INSL6: variants seen among roughly 807,000 people sequenced by gnomAD.
INSL6 encodes insulin-like peptide INSL6.
INSL6 carries 16 observed loss-of-function variants against 9.4 expected under a neutral mutation model. That is an observed-to-expected ratio of 1.70 (90% CI 1.15 to 2.59). The LOEUF (loss-of-function observed/expected upper bound fraction) is 2.59, where lower values mean the gene tolerates loss of function less well. Ranked by LOEUF, INSL6 falls within the 30% of genes most tolerant of loss-of-function variation. The pLI, the probability that INSL6 is intolerant of heterozygous loss-of-function variation, is 0.00. For missense variants in INSL6, 391 were observed against 257.3 expected (o/e 1.52, Z -3.56); for synonymous variants, 154 against 96.9 (o/e 1.59, Z -3.46).
At chr9:5,177,448 G>T (rs1825335519) in intron 1 of INSL6, among the ~76,000 whole-genome samples, 1 of 152,118 alleles carries the variant, frequency 6.6e-6, no homozygotes, top group South Asian at 2.1e-4. Flanking sequence ...ATGCCACTAG[G>T]GCCTTGGGTT....
intron 3 of INSL6, among the ~76,000 whole-genome samples, chr9:5,125,290 A>G (rs1451015449): frequency 1.3e-5 from 2 of 151,094 alleles, no homozygotes; most frequent in African/African-American, 4.8e-5. Flanking sequence ...TTAAGGTCAT[A>G]CTGTGCAGTT....
the INSL6 span, among the ~76,000 whole-genome samples, chr9:5,037,263 T>C: frequency 6.6e-6 from 1 of 152,156 alleles, no homozygotes; most frequent in Non-Finnish European, 1.5e-5. Context: ...TTGGTGGGAC[T>C]GTAAACTAGT....
chr9:5,022,130 G>A, the INSL6 span: 412 of 1,613,992 alleles, frequency 2.6e-4, 2 homozygotes, highest in South Asian at 9.9e-4. Flanking sequence ...CATTCCCTTG[G>A]GAAATCTGAG....
chr9:5,023,291 C>CA, the INSL6 span, among the ~76,000 whole-genome samples: 1 of 152,208 alleles, frequency 6.6e-6, no homozygotes, highest in Non-Finnish European at 1.5e-5. Flanking sequence ...TTTCACTCGA[C>CA]ATAATGACCT....
chr9:5,124,167 CATTCTGTTG>C (rs1823823526), exon 4 of INSL6, among the ~76,000 whole-genome samples: 1 of 151,772 alleles, frequency 6.6e-6, no homozygotes, highest in Non-Finnish European at 1.5e-5. Context: ...GTTTTCTGTT[CATTCTGTTG>C]ATTATTGATT....
At chr9:5,167,100 G>C (rs1825071699) in intron 1 of INSL6, among the ~76,000 whole-genome samples, 1 of 152,130 alleles carries the variant, frequency 6.6e-6, no homozygotes, top group East Asian at 1.9e-4. Context: ...GTGACTCAGA[G>C]AGAGCAAGGA....
intron 2 of INSL6, among the ~76,000 whole-genome samples, chr9:5,148,073 A>G (rs750495208): frequency 6.6e-6 from 1 of 152,204 alleles, no homozygotes; most frequent in Non-Finnish European, 1.5e-5. Context: ...ACTCACTGCT[A>G]GTGAGCTAAC....
At chr9:5,005,083 A>ATTTTTTT in the INSL6 span, among the ~76,000 whole-genome samples, 2 of 40,034 alleles carry the variant, frequency 5.0e-5, no homozygotes, top group African/African-American at 1.0e-4. Context: ...TGCCTGGCTA[A>ATTTTTTT]TTTTTTTTTT....
chr9:4,993,907 A>G, the INSL6 span, among the ~76,000 whole-genome samples: 1 of 152,106 alleles, frequency 6.6e-6, no homozygotes, highest in Non-Finnish European at 1.5e-5. Context: ...AAAGATGCAT[A>G]TGTTAGTGGA....
At chr9:5,135,244 T>C (rs1233871989) in intron 2 of INSL6, among the ~76,000 whole-genome samples, 1 of 152,110 alleles carries the variant, frequency 6.6e-6, no homozygotes, top group Non-Finnish European at 1.5e-5. Flanking sequence ...TGGGAGACTT[T>C]AACACCCCAC....
chr9:4,996,572 T>C, the INSL6 span, among the ~76,000 whole-genome samples: 1 of 152,106 alleles, frequency 6.6e-6, no homozygotes, highest in Non-Finnish European at 1.5e-5. Flanking sequence ...TTTTTGGTTT[T>C]TTTGAGGAGG....
At position 5,179,831 on chromosome 9, in the gene INSL6, GGGGCCTGCCTGAC is replaced by G. The variant is rs1255497703; in HGVS notation, c.289+5470_289+5482del. Among the ~76,000 whole-genome samples the G allele has an allele frequency of 1.5e-4, 23 of 152,294 alleles. 2 individuals carry two copies. The highest frequency in any genetic ancestry group is 5.3e-4 in the African/African-American group (22 of 41,566). ...ACACATGCAGGGGAAAACACACACT[GGGGCCTGCCTGAC>G]AGGGGCCCTGGGGGAAGGGAAAGTA... On this transcript the variant is annotated intron_variant, in intron 1 of 1. Coordinates refer to ENST00000381641, the MANE Select transcript of INSL6 (RefSeq NM_007179.3).
At chr9:5,124,510 T>G (rs1395748246) in exon 4 of INSL6, among the ~76,000 whole-genome samples, 1 of 151,750 alleles carries the variant, frequency 6.6e-6, no homozygotes, top group African/African-American at 2.4e-5. Flanking sequence ...TCAATGCAGT[T>G]CCTATCAAAA....
At position 5,176,732 on chromosome 9, in the gene INSL6, A is replaced by C. The variant is rs1825317593; in HGVS notation, c.289+8582T>G. ...AAGAAATCAAAGCAAAAAAAAAAAA[A>C]ATGGTATAAGTTTAGCAAGAAAGTG... On this transcript the variant is annotated intron_variant, in intron 1 of 1. Coordinates refer to ENST00000381641, the MANE Select transcript of INSL6 (RefSeq NM_007179.3). 9.6e-5 allele frequency among the ~76,000 whole-genome samples: 14 copies of C among 145,560 alleles called. No homozygotes were observed. The South Asian group carries it at 2.6e-3, about 27-fold the overall frequency.
At chr9:5,163,675 T>A (rs764469723), downstream of INSL6, among the ~76,000 whole-genome samples, 1 of 152,142 alleles carries the variant, frequency 6.6e-6, no homozygotes, top group Non-Finnish European at 1.5e-5. Context: ...AACTCTTAGA[T>A]GTCTGCATGG....
chr9:5,080,111 C>T, the INSL6 span: 1 of 821,420 alleles, frequency 1.2e-6, no homozygotes, highest in African/African-American at 1.7e-5. Context: ...CCAACCCCTC[C>T]AAAATAAAGA....
At chr9:5,133,899 G>C (rs1281305796) in intron 2 of INSL6, among the ~76,000 whole-genome samples, 1 of 150,590 alleles carries the variant, frequency 6.6e-6, no homozygotes, top group Non-Finnish European at 1.5e-5. Context: ...AAACTCCTCT[G>C]AGCTAAAGGA....
At chr9:5,069,998 T>C in the INSL6 span, 47 of 1,608,550 alleles carry the variant, frequency 2.9e-5, no homozygotes, top group Non-Finnish European at 3.8e-5. Context: ...TACAGAGGCC[T>C]ACTCATATGA....
At chr9:5,002,615 ATTGTG>A in the INSL6 span, among the ~76,000 whole-genome samples, 3 of 151,946 alleles carry the variant, frequency 2.0e-5, no homozygotes, top group Non-Finnish European at 4.4e-5. Context: ...GTTGTTGGGC[ATTGTG>A]TTCTGTAAAT....
Sources: allele counts gnomAD v4.1 joint callset (sites outside exome capture counted in the v4.1 genomes callset), GRCh38; gene constraint gnomAD v4.1.1; transcripts MANE v1.5; gene names NCBI Gene and HGNC (gene_info 2026-07-23, HGNC 2026-07-21).